Variants in BMPR1B observed in about 807,000 individuals in gnomAD.
The protein encoded by BMPR1B is bone morphogenetic protein receptor type-1B.
A neutral mutation model predicts 59.1 loss-of-function variants in BMPR1B; 12 were observed. The ratio of observed to expected loss-of-function variants is 0.20; its 90% CI spans 0.13 to 0.33. The LOEUF (loss-of-function observed/expected upper bound fraction) is 0.33. Ranked by LOEUF, BMPR1B falls within the 10% of genes least tolerant of loss-of-function variation. The probability of loss-of-function intolerance (pLI) is 1.00; values close to 1 mark genes in which losing one functional copy is unlikely to be tolerated. For synonymous variants in BMPR1B, 237 were observed against 207.3 expected, an observed-to-expected ratio of 1.14 and a Z score of -1.23; for missense variants, 550 against 610.9, an observed-to-expected ratio of 0.90 and a Z score of 1.05.
chr4:94,781,645 C>T (rs1241006849), intron 1 of BMPR1B, among the ~76,000 whole-genome samples: 2 of 152,136 alleles, frequency 1.3e-5, no homozygotes, highest in Non-Finnish European at 2.9e-5. Flanking sequence ...CTCCTGGCCT[C>T]GTGATCCACC....
At chr4:95,078,239 C>T (rs1468222431) in intron 3 of BMPR1B, among the ~76,000 whole-genome samples, 1 of 152,152 alleles carries the variant, frequency 6.6e-6, no homozygotes, top group African/African-American at 2.4e-5. Context: ...ACTTGGAGGT[C>T]ATCTATCACA....
At chr4:95,089,978 A>G (rs997041451) in intron 3 of BMPR1B, among the ~76,000 whole-genome samples, 3 of 152,062 alleles carry the variant, frequency 2.0e-5, no homozygotes, top group Non-Finnish European at 2.9e-5. Context: ...CTTACAGCAC[A>G]CTTCTTGAAT....
At chr4:94,937,843 A>T (rs1303551231) in intron 2 of BMPR1B, among the ~76,000 whole-genome samples, 3 of 152,094 alleles carry the variant, frequency 2.0e-5, no homozygotes, top group Non-Finnish European at 4.4e-5. Context: ...TGGGATAGTG[A>T]GGGAGTGAGA....
intron 1 of BMPR1B, among the ~76,000 whole-genome samples, chr4:94,832,350 G>A (rs774130895): frequency 2.0e-4 from 30 of 152,228 alleles, no homozygotes; most frequent in Non-Finnish European, 3.8e-4. Flanking sequence ...ATTAAGTGAT[G>A]TATTACTGTT....
intron 1 of BMPR1B, among the ~76,000 whole-genome samples, chr4:94,815,733 T>C (rs1723986436): frequency 6.6e-6 from 1 of 152,222 alleles, no homozygotes; most frequent in South Asian, 2.1e-4. Context: ...AAGTGTGATT[T>C]ATACCATAGC....
chr4:95,089,318 CT>C (rs1034068247), intron 3 of BMPR1B, among the ~76,000 whole-genome samples: 43 of 151,758 alleles, frequency 2.8e-4, no homozygotes, highest in Admixed American at 1.6e-3. Flanking sequence ...TTTTGTTGTT[CT>C]TTTTTTGGCG....
At chr4:94,980,122 G>A (rs762866843) in intron 2 of BMPR1B, among the ~76,000 whole-genome samples, 5 of 152,172 alleles carry the variant, frequency 3.3e-5, no homozygotes, top group South Asian at 2.1e-4. Flanking sequence ...ACCAGAATAA[G>A]TCATCACAGT....
intron 3 of BMPR1B, among the ~76,000 whole-genome samples, chr4:95,057,306 G>A (rs1230097409): frequency 2.0e-5 from 3 of 151,946 alleles, no homozygotes. Context: ...GTGCAGTGGT[G>A]TGATCTTGGC....
At chr4:94,780,472 C>G (rs780354225) in intron 1 of BMPR1B, among the ~76,000 whole-genome samples, 6 of 151,986 alleles carry the variant, frequency 3.9e-5, no homozygotes, top group Non-Finnish European at 7.4e-5. Context: ...AATAATATTG[C>G]TATAAACATG....
intron 3 of BMPR1B, among the ~76,000 whole-genome samples, chr4:95,006,063 G>C (rs977449213): frequency 5.3e-5 from 8 of 152,144 alleles, no homozygotes; most frequent in African/African-American, 1.9e-4. Context: ...ACGAAGTCAG[G>C]AGTTCGAGAC....
intron 2 of BMPR1B, among the ~76,000 whole-genome samples, chr4:94,949,995 A>G (rs1729868887): frequency 6.6e-6 from 1 of 152,184 alleles, no homozygotes; most frequent in Non-Finnish European, 1.5e-5. Flanking sequence ...AACTGGCGTG[A>G]GATGATATCT....
rs768750643 is a variant in BMPR1B, at chr4:94,765,124, A to G, written c.-183+7056A>G. 2.4e-4 allele frequency among the ~76,000 whole-genome samples: 36 copies of G among 152,286 alleles called. No homozygotes were observed. In the Middle Eastern group the frequency reaches 0.01, roughly 43 times the overall value. ...ATTTGAATATTAAAAGCTTTTCCCA[A>G]TGATGACACAAACAATAAATCTTGG... is the stretch of plus-strand genomic sequence containing the variant. On this transcript the variant is annotated intron_variant, in intron 1 of 12. Transcript: ENST00000515059.
At chr4:94,860,998 G>A (rs1407337778) in intron 1 of BMPR1B, among the ~76,000 whole-genome samples, 1 of 151,112 alleles carries the variant, frequency 6.6e-6, no homozygotes, top group South Asian at 2.1e-4. Flanking sequence ...GCTTTTATAT[G>A]TCTTTCTCTT....
intron 10 of BMPR1B, among the ~76,000 whole-genome samples, chr4:95,132,946 T>A (rs1733479377): frequency 6.6e-6 from 1 of 152,108 alleles, no homozygotes; most frequent in African/African-American, 2.4e-5. Flanking sequence ...TACTCCAACT[T>A]CTCCTTTCTC....
At chr4:94,964,787 C>T (rs1461715914) in intron 2 of BMPR1B, among the ~76,000 whole-genome samples, 1 of 152,134 alleles carries the variant, frequency 6.6e-6, no homozygotes, top group Admixed American at 6.5e-5. Context: ...CATTTAACCA[C>T]TTGGAGACTT....
At chr4:94,908,963 A>C (rs1298330578) in intron 2 of BMPR1B, among the ~76,000 whole-genome samples, 1 of 152,072 alleles carries the variant, frequency 6.6e-6, no homozygotes, top group Non-Finnish European at 1.5e-5. Flanking sequence ...GAAGTCTGAA[A>C]TGAAGGTGTT....
chr4:94,893,945 TCTTGAGAAA>T (rs1430865915), intron 2 of BMPR1B, among the ~76,000 whole-genome samples: 1 of 152,010 alleles, frequency 6.6e-6, no homozygotes, highest in Non-Finnish European at 1.5e-5. Context: ...CCTTGGCAGT[TCTTGAGAAA>T]CTTGTCATGT....
At chr4:94,971,217 G>T (rs1437789643) in intron 2 of BMPR1B, among the ~76,000 whole-genome samples, 1 of 152,126 alleles carries the variant, frequency 6.6e-6, no homozygotes, top group Non-Finnish European at 1.5e-5. Flanking sequence ...TCTAGTAATG[G>T]ATGTGTTTTA....
At chr4:95,047,260 A>G (rs960314650) in intron 3 of BMPR1B, among the ~76,000 whole-genome samples, 7 of 152,136 alleles carry the variant, frequency 4.6e-5, no homozygotes, top group Middle Eastern at 3.2e-3. Flanking sequence ...CTCCCTTTCC[A>G]TAATGCCATT....
Sources: allele counts gnomAD v4.1 joint callset (sites outside exome capture counted in the v4.1 genomes callset), GRCh38; gene constraint gnomAD v4.1.1; transcripts MANE v1.5; gene names NCBI Gene and HGNC (gene_info 2026-07-23, HGNC 2026-07-21).